The following PTPRD variants were observed in gnomAD, a reference collection of about 807,000 sequenced individuals.
PTPRD encodes the protein receptor-type tyrosine-protein phosphatase delta.
Under a neutral mutation model 214.5 loss-of-function variants are expected in PTPRD, and 34 were observed. That is an observed-to-expected ratio of 0.16 (90% CI 0.12 to 0.21). The LOEUF (loss-of-function observed/expected upper bound fraction) is 0.21. Ranked by LOEUF, PTPRD falls within the 10% of genes least tolerant of loss-of-function variation. PTPRD has a pLI of 1.00. For synonymous variants in PTPRD, 1,128 were observed against 845.7 expected (o/e 1.33, Z -5.79); for missense variants, 2,545 against 2,398.7 (o/e 1.06, Z -1.27).
intron 8 of PTPRD, among the ~76,000 whole-genome samples, chr9:9,442,770 A>T (rs191549691): frequency 6.6e-6 from 1 of 152,300 alleles, no homozygotes; most frequent in East Asian, 1.9e-4. Context: ...CATACTGGGA[A>T]TGTCTTCTTT....
chr9:9,380,472 A>G (rs138036136), intron 9 of PTPRD, among the ~76,000 whole-genome samples: 93 of 152,136 alleles, frequency 6.1e-4, no homozygotes, highest in African/African-American at 2.1e-3. Context: ...CCCATCATGG[A>G]TCTCCTCATA....
intron 2 of PTPRD, among the ~76,000 whole-genome samples, chr9:10,431,397 A>T (rs2098676927): frequency 6.6e-6 from 1 of 152,070 alleles, no homozygotes; most frequent in African/African-American, 2.4e-5. Context: ...TGTCTAAAAC[A>T]CCAAAAGCAA....
intron 8 of PTPRD, among the ~76,000 whole-genome samples, chr9:9,455,833 C>T (rs989921440): frequency 2.0e-5 from 3 of 151,702 alleles, no homozygotes; most frequent in African/African-American, 7.2e-5. Context: ...ACAGAATAAG[C>T]AAACACAAAT....
chr9:9,758,311 G>A (rs1215333466), intron 6 of PTPRD, among the ~76,000 whole-genome samples: 1 of 151,576 alleles, frequency 6.6e-6, no homozygotes, highest in Non-Finnish European at 1.5e-5. Flanking sequence ...TACTTTTAAG[G>A]CAGTTTTTAT....
chr9:8,608,126 T>A (rs566211744), intron 14 of PTPRD, among the ~76,000 whole-genome samples: 7 of 144,462 alleles, frequency 4.8e-5, no homozygotes, highest in Non-Finnish European at 1.1e-4. Flanking sequence ...TAAACCTTTT[T>A]TTTTTTAATC....
chr9:8,316,835 T>C lies in PTPRD; in HGVS notation c.*1039A>G, dbSNP rs1822162277. On this transcript the variant is annotated 3_prime_UTR_variant, in exon 46 of 46. Coordinates refer to ENST00000381196, the MANE Select transcript of PTPRD (RefSeq NM_002839.4). ...AATATGTCAAAAAATTAAGAATAAATGGAAAGAGATGTTTACAATAGCTTT... is the reference window on the plus strand; with the variant it reads ...AATATGTCAAAAAATTAAGAATAAACGGAAAGAGATGTTTACAATAGCTTT... 1 of 230,880 alleles carries C rather than the reference T, an allele frequency of 4.3e-6. No individual in the cohort carries two copies. The highest frequency in any genetic ancestry group is 5.7e-5 in the Admixed American group (1 of 17,662). The allele number at this position is 230,880 out of a possible 1,614,324, so 14.3% of individuals were successfully genotyped here.
intron 2 of PTPRD, among the ~76,000 whole-genome samples, chr9:10,518,974 TA>T (rs778768162): frequency 6.0e-4 from 91 of 152,078 alleles, no homozygotes; most frequent in Non-Finnish European, 1.1e-3. Context: ...CTGGGTAGAT[TA>T]TTTTTTTAAT....
In PTPRD at chr9:8,636,741, G is replaced by A. The variant is rs2154327992; in HGVS notation, c.168C>T (p.Val56=). ...QATGDPRPKI[V]WNKKGKKVSN... The stretch of plus-strand genomic sequence containing the variant: ...TGACTTTCTTTCCTTTTTTGTTCCA[G>A]ACAATTTTAGGTCTTGGGTCTCCCG... The change falls in exon 13 of 46, where the codon GTC becomes GTT. Residue 56 remains valine, a synonymous_variant. Transcript: ENST00000381196. 1.2e-6 allele frequency: 2 copies of A among 1,613,834 alleles called. No homozygotes were observed. The highest frequency in any genetic ancestry group is 1.7e-6 in the Non-Finnish European group (2 of 1,179,874).
intron 8 of PTPRD, among the ~76,000 whole-genome samples, chr9:9,408,588 G>T (rs1212707805): frequency 6.6e-6 from 1 of 151,756 alleles, no homozygotes; most frequent in African/African-American, 2.4e-5. Flanking sequence ...TTACTTCTTA[G>T]TAAATGCTGT....
At chr9:9,039,370 T>G (rs1216059026) in intron 10 of PTPRD, among the ~76,000 whole-genome samples, 1 of 152,192 alleles carries the variant, frequency 6.6e-6, no homozygotes, top group East Asian at 1.9e-4. Context: ...TCTGCAGATC[T>G]AATTCTGCAG....
At chr9:9,582,006 C>G (rs1294591956) in intron 7 of PTPRD, among the ~76,000 whole-genome samples, 1 of 152,100 alleles carries the variant, frequency 6.6e-6, no homozygotes, top group Non-Finnish European at 1.5e-5. Context: ...ACTTCAAAAG[C>G]TACTAGACAT....
At chr9:10,147,329 A>G (rs1240578398) in intron 3 of PTPRD, among the ~76,000 whole-genome samples, 5 of 152,118 alleles carry the variant, frequency 3.3e-5, no homozygotes, top group Non-Finnish European at 7.3e-5. Context: ...TTAGTTACAT[A>G]TGTATACATG....
chr9:10,191,437 T>C (rs1270194360), intron 3 of PTPRD, among the ~76,000 whole-genome samples: 1 of 152,150 alleles, frequency 6.6e-6, no homozygotes, highest in Non-Finnish European at 1.5e-5. Flanking sequence ...CTAATGCTAT[T>C]TTATGCATTT....
intron 10 of PTPRD, among the ~76,000 whole-genome samples, chr9:9,055,464 T>A (rs1001418581): frequency 6.6e-6 from 1 of 152,096 alleles, no homozygotes; most frequent in Non-Finnish European, 1.5e-5. Flanking sequence ...CATCCAAAAG[T>A]GCCCTCGTGA....
chr9:9,940,793 G>C (rs1008441314), intron 4 of PTPRD, among the ~76,000 whole-genome samples: 1 of 152,102 alleles, frequency 6.6e-6, no homozygotes, highest in African/African-American at 2.4e-5. Context: ...CTCCGCTTAA[G>C]AATGATTTCT....
intron 7 of PTPRD, among the ~76,000 whole-genome samples, chr9:9,610,311 G>C (rs778747039): frequency 1.3e-5 from 2 of 152,082 alleles, no homozygotes; most frequent in Non-Finnish European, 2.9e-5. Context: ...ACAAGATTTA[G>C]TTAAATAACA....
At chr9:9,141,209 C>T (rs982381518) in intron 10 of PTPRD, among the ~76,000 whole-genome samples, 2 of 143,554 alleles carry the variant, frequency 1.4e-5, no homozygotes, top group African/African-American at 5.2e-5. Context: ...TGCTTGCTTC[C>T]CTCCCTCCCC....
chr9:9,612,466 G>T (rs2094566553), intron 7 of PTPRD, among the ~76,000 whole-genome samples: 1 of 152,132 alleles, frequency 6.6e-6, no homozygotes, highest in Non-Finnish European at 1.5e-5. Context: ...TTGTTTTGCT[G>T]AGGCCAGAGT....
chr9:9,137,161 C>T (rs1390446977), intron 10 of PTPRD, among the ~76,000 whole-genome samples: 6 of 152,102 alleles, frequency 3.9e-5, no homozygotes, highest in Admixed American at 3.3e-4. Flanking sequence ...AGGCAAATTG[C>T]TATTGAAGAG....
Sources: allele counts gnomAD v4.1 joint callset (sites outside exome capture counted in the v4.1 genomes callset), GRCh38; gene constraint gnomAD v4.1.1; transcripts MANE v1.5; gene names NCBI Gene and HGNC (gene_info 2026-07-23, HGNC 2026-07-21).